The following CPLANE1 variants were observed in gnomAD, a reference collection of about 807,000 sequenced individuals.
The protein encoded by CPLANE1 is ciliogenesis and planar polarity effector 1.
CPLANE1 carries 263 observed loss-of-function variants against 362.5 expected under a neutral mutation model. The ratio of observed to expected loss-of-function variants is 0.73; its 90% CI spans 0.66 to 0.80. The LOEUF (loss-of-function observed/expected upper bound fraction) is 0.80, where lower values mean the gene tolerates loss of function less well. Among genes scored for constraint, CPLANE1 ranks in the 30% least tolerant of loss-of-function variants. The pLI is 0.00. For synonymous variants in CPLANE1, 1,212 were observed against 1,302.6 expected (o/e 0.93, Z 1.50); for missense variants, 3,461 against 3,793.4 (o/e 0.91, Z 2.30).
At chr5:37,084,687 G>A in the CPLANE1 span, among the ~76,000 whole-genome samples, 1 of 152,030 alleles carries the variant, frequency 6.6e-6, no homozygotes, top group African/African-American at 2.4e-5. Flanking sequence ...GGCTGAAGCA[G>A]GAGAATTGCT....
chr5:37,094,293 C>T, the CPLANE1 span, among the ~76,000 whole-genome samples: 10 of 139,252 alleles, frequency 7.2e-5, no homozygotes, highest in Admixed American at 7.0e-4. Flanking sequence ...AAGGAGTCTT[C>T]AAAACCACAC....
chr5:37,168,562 C>G (rs1778925119), intron 34 of CPLANE1, among the ~76,000 whole-genome samples: 1 of 152,110 alleles, frequency 6.6e-6, no homozygotes, highest in Admixed American at 6.5e-5. Flanking sequence ...GTCTCAAACT[C>G]CTGGGGATCA....
chr5:37,157,847 C>A lies in CPLANE1; in HGVS notation c.7834G>T (p.Val2612Leu), dbSNP rs1775573084. The change falls in exon 40 of 53, where the codon GTG becomes TTG. Residue 2612 changes from valine to leucine, a missense_variant. Physicochemically the swap from Val to Leu is conservative, Grantham distance 32. Transcript: ENST00000651892. ...TNLVGHTYIN[V>L]IDIEANDLLQ... ...AGATCATTAGCTTCAATGTCAATCA[C>A]ATTTATATAAGTATGTCCAACCTGA... 1 of 1,402,596 alleles carries A rather than the reference C, an allele frequency of 7.1e-7. No individual in the cohort carries two copies. Among genetic ancestry groups the A allele is most frequent in the Non-Finnish European group, 9.5e-7 (1 of 1,052,278 alleles). 86.9% of individuals were successfully genotyped at this position (1,402,596 alleles called of 1,614,324 possible).
At chr5:37,171,453 G>A (rs369278024) in intron 32 of CPLANE1, among the ~76,000 whole-genome samples, 20 of 152,084 alleles carry the variant, frequency 1.3e-4, no homozygotes, top group East Asian at 5.8e-4. Context: ...GATACTACTC[G>A]TCCAGGCATC....
At chr5:37,189,245 A>G (rs2151252614) in intron 21 of CPLANE1, among the ~76,000 whole-genome samples, 1 of 152,354 alleles carries the variant, frequency 6.6e-6, no homozygotes, top group East Asian at 1.9e-4. Context: ...TAAAATAAAT[A>G]TTACAAAGTC....
At position 37,183,115 on chromosome 5, in the gene CPLANE1, T is replaced by C. The variant is rs761691903; in HGVS notation, c.5066A>G (p.Gln1689Arg). The C allele has an allele frequency of 2.2e-5, 36 of 1,613,190 alleles. No homozygotes were observed. Among genetic ancestry groups the C allele is most frequent in the Middle Eastern group, 1.6e-4 (1 of 6,076 alleles). Reference sequence around the variant, plus strand: ...TAGACATTTCTCTCTAGTGTCATCTTGTATTTTGTAAATTGACCTTTGTTT... The same window carrying C: ...TAGACATTTCTCTCTAGTGTCATCTCGTATTTTGTAAATTGACCTTTGTTT... ...GLKQRSIYKI[Q>R]DDTREKCLIQ... is the part of the protein sequence containing the mutation. Residue 1689 changes from glutamine to arginine, a missense_variant, in exon 26 of 53, where the codon CAA (glutamine) becomes CGA (arginine). Around this residue, in one of 2 missense-constraint regions of CPLANE1, gnomAD observed 3,380 missense variants for 3,666.1 expected, o/e 0.92. Transcript: ENST00000651892.
intron 8 of CPLANE1, among the ~76,000 whole-genome samples, chr5:37,234,095 A>T (rs1328251917): frequency 1.3e-5 from 2 of 152,188 alleles, no homozygotes; most frequent in African/African-American, 4.8e-5. Context: ...TCTCCTCTAT[A>T]AAAGCATTTT....
intron 46 of CPLANE1, 49 bp downstream of exon 46, chr5:37,138,671 G>C (rs1259345867): frequency 6.4e-7 from 1 of 1,557,026 alleles, no homozygotes; most frequent in African/African-American, 1.4e-5. Context: ...GAACATTCTT[G>C]AATGAGAAGC....
intron 21 of CPLANE1, among the ~76,000 whole-genome samples, chr5:37,193,805 C>T (rs935742086): frequency 6.6e-6 from 1 of 151,910 alleles, no homozygotes; most frequent in Admixed American, 6.6e-5. Flanking sequence ...GTAGCAAGAT[C>T]ATAGCTCACT....
Position 37,205,355 on chromosome 5 carries a change from T to C in CPLANE1, c.3249A>G (p.Glu1083=), listed in dbSNP as rs901737859. The change falls in exon 18 of 53, where the codon GAA becomes GAG. Residue 1083 remains glutamate (E), a synonymous_variant. Transcript: ENST00000651892. The part of the protein sequence containing the change: ...QCVLGQPASL[E]AKNEMGSKYK... ...ATTTTGAGCCCATTTCATTTTTTGC[T>C]TCCAAAGAGGCTGGTTGACCTAAAA... The C allele has an allele frequency of 3.8e-5, 59 of 1,551,100 alleles. No individual in the cohort carries two copies. Among genetic ancestry groups the C allele is most frequent in the Non-Finnish European group, 4.9e-5 (56 of 1,146,788 alleles).
At chr5:37,203,347 A>C (rs1177684472) in intron 18 of CPLANE1, among the ~76,000 whole-genome samples, 2 of 152,106 alleles carry the variant, frequency 1.3e-5, no homozygotes, top group South Asian at 2.1e-4. Context: ...TGATTCATCT[A>C]TGTTGTCACA....
chr5:37,077,848 T>G, the CPLANE1 span, among the ~76,000 whole-genome samples: 1 of 152,100 alleles, frequency 6.6e-6, no homozygotes, highest in Non-Finnish European at 1.5e-5. Context: ...TCTCCTGGAC[T>G]CAAGCGATCC....
chr5:37,116,116 G>A (rs566909870), intron 50 of CPLANE1, among the ~76,000 whole-genome samples: 3 of 151,830 alleles, frequency 2.0e-5, no homozygotes, highest in South Asian at 4.2e-4. Context: ...GCAAGACTCC[G>A]TCTCTACGAA....
At chr5:37,127,503 CT>C (rs1257342691) in intron 46 of CPLANE1, among the ~76,000 whole-genome samples, 5 of 150,568 alleles carry the variant, frequency 3.3e-5, no homozygotes, top group African/African-American at 1.2e-4. Flanking sequence ...ACTGCATTCT[CT>C]TTTTTATTTA....
the CPLANE1 span, among the ~76,000 whole-genome samples, chr5:37,077,261 A>T: frequency 6.6e-6 from 1 of 152,156 alleles, no homozygotes; most frequent in African/African-American, 2.4e-5. Flanking sequence ...TTATTAGTGC[A>T]TATGTAGAAC....
chr5:37,092,133 T>C, the CPLANE1 span, among the ~76,000 whole-genome samples: 1 of 152,226 alleles, frequency 6.6e-6, no homozygotes, highest in Non-Finnish European at 1.5e-5. Context: ...TCTTTCGCCC[T>C]GTCACCTGGG....
At chr5:37,193,603 C>T (rs1309124769) in intron 21 of CPLANE1, among the ~76,000 whole-genome samples, 5 of 150,534 alleles carry the variant, frequency 3.3e-5, no homozygotes, top group African/African-American at 9.8e-5. Flanking sequence ...TACAGTGAGC[C>T]GAGATTGTGC....
At chr5:37,185,217 G>T in intron 24 of CPLANE1, 138 bp from the exon 25 acceptor site, 1 of 695,420 alleles carries the variant, frequency 1.4e-6, no homozygotes, top group Non-Finnish European at 2.3e-6. Flanking sequence ...CTTACTGGTC[G>T]TGTTTTCTTC....
In CPLANE1 at chr5:37,181,013, A is replaced by T; in HGVS notation, c.5422-8T>A. The T allele has an allele frequency of 6.2e-7, 1 of 1,609,944 alleles. No homozygotes were observed. Among genetic ancestry groups the T allele is most frequent in the Non-Finnish European group, 8.5e-7 (1 of 1,177,820 alleles). ...GTCACGATTCTCTACCATCTAAAGC[A>T]AACCATTTAAAGTATTTAGTATTTA... On this transcript the variant is annotated splice_polypyrimidine_tract_variant and splice_region_variant and intron_variant, in intron 26 of 52. Coordinates refer to ENST00000651892, the MANE Select transcript of CPLANE1 (RefSeq NM_001384732.1).
Sources: allele counts gnomAD v4.1 joint callset (sites outside exome capture counted in the v4.1 genomes callset), GRCh38; gene constraint gnomAD v4.1.1; regional missense constraint gnomAD v4.1.1; transcripts MANE v1.5; gene names NCBI Gene and HGNC (gene_info 2026-07-23, HGNC 2026-07-21).